The following GRIA1 variants were observed in gnomAD, a reference collection of about 807,000 sequenced individuals.
The protein encoded by GRIA1 is glutamate receptor 1.
Under a neutral mutation model 99.2 loss-of-function variants are expected in GRIA1, and 31 were observed. The observed-to-expected ratio is 0.31, with a 90% CI of 0.23 to 0.42. The LOEUF is 0.42. Ranked by LOEUF, GRIA1 falls within the 10% of genes least tolerant of loss-of-function variation. The probability of loss-of-function intolerance (pLI) is 1.00; values close to 1 mark genes in which losing one functional copy is unlikely to be tolerated. For missense variants in GRIA1, 782 were observed against 1,157.5 expected (o/e 0.68, Z 4.71); for synonymous variants, 438 against 432.4 (o/e 1.01, Z -0.16).
chr5:153,562,943 T>C (rs568951010), intron 2 of GRIA1, among the ~76,000 whole-genome samples: 68 of 152,272 alleles, frequency 4.5e-4, no homozygotes, highest in African/African-American at 1.6e-3. Flanking sequence ...TTTGGGAGGC[T>C]GAGGCGTGTG....
chr5:153,737,287 C>T (rs940430568), intron 11 of GRIA1, among the ~76,000 whole-genome samples: 13 of 123,174 alleles, frequency 1.1e-4, no homozygotes, highest in Admixed American at 3.3e-4. Flanking sequence ...CTGGCAACCC[C>T]GGTAAAAAAA....
chr5:153,610,022 G>C (rs1313674180), intron 2 of GRIA1, among the ~76,000 whole-genome samples: 2 of 152,188 alleles, frequency 1.3e-5, no homozygotes, highest in Non-Finnish European at 2.9e-5. Flanking sequence ...TCATTCTACT[G>C]TCTGCATGCC....
At chr5:153,646,863 C>T (rs1754188779) in intron 2 of GRIA1, 65 bp from the exon 3 acceptor site, 3 of 1,557,884 alleles carry the variant, frequency 1.9e-6, no homozygotes, top group Non-Finnish European at 2.6e-6. Flanking sequence ...TGGATGGATT[C>T]ATTTTGGAGT....
At chr5:153,499,633 A>AAAAC (rs1561587703) in intron 2 of GRIA1, among the ~76,000 whole-genome samples, 1 of 146,228 alleles carries the variant, frequency 6.8e-6, no homozygotes, top group Non-Finnish European at 1.5e-5. Context: ...AAAAAAAAAA[A>AAAAC]AAAAAAACTA....
At chr5:153,616,529 G>T (rs1766521173) in intron 2 of GRIA1, among the ~76,000 whole-genome samples, 1 of 152,118 alleles carries the variant, frequency 6.6e-6, no homozygotes, top group African/African-American at 2.4e-5. Context: ...ACACATTTGT[G>T]TTGGGACATA....
At position 153,674,522 on chromosome 5, in the gene GRIA1, A is replaced by G. The variant is rs765682057; in HGVS notation, c.722A>G (p.Asn241Ser). Residue 241 changes from asparagine (N) to serine (S), a missense_variant, in exon 6 of 16, where the codon AAC becomes AGC. Transcript: ENST00000285900. ...CAGGGCTTCATGGACATTGACTTAA[A>G]CAAATTCAAGGAGAGTGGCGCCAAT... ...ANLGFMDIDLNKFKESGANVT... is the reference protein window; with the variant it reads ...ANLGFMDIDLSKFKESGANVT... 15 of 1,614,012 alleles carry G rather than the reference A, an allele frequency of 9.3e-6. No homozygotes were observed. The Admixed American group carries it at 2.2e-4, about 23-fold the overall frequency.
At chr5:153,601,573 C>A (rs778254823) in intron 2 of GRIA1, among the ~76,000 whole-genome samples, 2 of 152,144 alleles carry the variant, frequency 1.3e-5, no homozygotes, top group Non-Finnish European at 2.9e-5. Context: ...TAAATCAGAG[C>A]GGAAAACACC....
chr5:153,743,801 T>C (rs1420422049), intron 11 of GRIA1, among the ~76,000 whole-genome samples: 1 of 152,220 alleles, frequency 6.6e-6, no homozygotes, highest in Non-Finnish European at 1.5e-5. Context: ...AACATAATCA[T>C]AGCAGTAACA....
intron 10 of GRIA1, 29 bp downstream of exon 10, chr5:153,699,102 A>C: frequency 2.0e-6 from 3 of 1,506,474 alleles, no homozygotes; most frequent in Non-Finnish European, 1.8e-6. Flanking sequence ...GGGAAATTAG[A>C]GGGCGGAGGC....
chr5:153,772,105 C>A (rs892159617), intron 13 of GRIA1, among the ~76,000 whole-genome samples: 19 of 152,246 alleles, frequency 1.2e-4, no homozygotes, highest in African/African-American at 4.6e-4. Flanking sequence ...GAAAATCAGT[C>A]TTAAGCATAA....
chr5:153,535,014 T>G (rs1419669069), intron 2 of GRIA1, among the ~76,000 whole-genome samples: 1 of 152,096 alleles, frequency 6.6e-6, no homozygotes, highest in East Asian at 1.9e-4. Context: ...TTTTACCTCC[T>G]GGGTTCAAGC....
intron 2 of GRIA1, among the ~76,000 whole-genome samples, chr5:153,641,627 C>T (rs1416796917): frequency 6.6e-6 from 1 of 152,164 alleles, no homozygotes; most frequent in Non-Finnish European, 1.5e-5. Context: ...TCCCTGAATG[C>T]TCTCTCTATC....
intron 13 of GRIA1, among the ~76,000 whole-genome samples, chr5:153,787,061 G>A (rs181312668): frequency 5.3e-5 from 8 of 152,322 alleles, no homozygotes; most frequent in African/African-American, 1.9e-4. Flanking sequence ...CCAACATTCT[G>A]TCCTTTGCCT....
At chr5:153,692,720 G>A (rs1757849072) in intron 8 of GRIA1, among the ~76,000 whole-genome samples, 1 of 152,110 alleles carries the variant, frequency 6.6e-6, no homozygotes, top group African/African-American at 2.4e-5. Flanking sequence ...CTCTTTAAAA[G>A]CAAGGACCAT....
intron 2 of GRIA1, among the ~76,000 whole-genome samples, chr5:153,599,178 G>A (rs560043839): frequency 3.9e-5 from 6 of 152,282 alleles, no homozygotes; most frequent in African/African-American, 9.6e-5. Context: ...CACTGTACCC[G>A]GCCAGGGCTG....
At chr5:153,757,945 TTAGTACAAAGAC>T (rs969819199) in intron 11 of GRIA1, among the ~76,000 whole-genome samples, 34 of 152,284 alleles carry the variant, frequency 2.2e-4, no homozygotes, top group Admixed American at 2.1e-3. Flanking sequence ...ACTTACATTA[TTAGTACAAAGAC>T]TGAAAGACAA....
At chr5:153,805,273 T>A (rs1766352456) in intron 15 of GRIA1, among the ~76,000 whole-genome samples, 1 of 152,204 alleles carries the variant, frequency 6.6e-6, no homozygotes, top group South Asian at 2.1e-4. Context: ...TTATTATCCC[T>A]ATTTACATGA....
At chr5:153,771,315 A>G (rs1763869410) in intron 13 of GRIA1, among the ~76,000 whole-genome samples, 1 of 152,238 alleles carries the variant, frequency 6.6e-6, no homozygotes, top group Non-Finnish European at 1.5e-5. Flanking sequence ...GAAGAGTTGC[A>G]TTTCAGGAAG....
In GRIA1 at chr5:153,602,197, G is replaced by T. The variant is rs1235487136; in HGVS notation, c.221-44731G>T. The stretch of plus-strand genomic sequence containing the variant: ...CATATACACCATGGAATACTATGCA[G>T]CCTTAAAAAATGATGAGTTCATGTC... On this transcript the variant is annotated intron_variant, in intron 2 of 15. Transcript: ENST00000285900. Among the ~76,000 whole-genome samples, 5 of 152,154 alleles carry T rather than the reference G, an allele frequency of 3.3e-5. 1 individual carries two copies. In the South Asian group the frequency reaches 1.0e-3, roughly 32 times the overall value.
Sources: allele counts gnomAD v4.1 joint callset (sites outside exome capture counted in the v4.1 genomes callset), GRCh38; gene constraint gnomAD v4.1.1; transcripts MANE v1.5; gene names NCBI Gene and HGNC (gene_info 2026-07-23, HGNC 2026-07-21).